The following MYDGF variants were observed in gnomAD, a reference collection of about 807,000 sequenced individuals.
MYDGF encodes myeloid derived growth factor.
Under a neutral mutation model 24.2 loss-of-function variants are expected in MYDGF, and 29 were observed. That is an observed-to-expected ratio of 1.20 (90% CI 0.89 to 1.63). The LOEUF (loss-of-function observed/expected upper bound fraction) is 1.63. MYDGF is among the 40% of genes most tolerant of loss of function. MYDGF has a pLI of 0.00. For missense variants in MYDGF, 245 were observed against 234.8 expected (o/e 1.04, Z -0.29); for synonymous variants, 105 against 102.5 (o/e 1.02, Z -0.15).
intron 3 of MYDGF, 144 bp downstream of exon 3, chr19:4,664,732 C>G (rs941943113): frequency 2.3e-6 from 2 of 870,134 alleles, no homozygotes; most frequent in Admixed American, 2.6e-5. Context: ...CTGCCACCCC[C>G]CACCTGCACG....
chr19:4,664,134 C>A (rs150090631), intron 3 of MYDGF, among the ~76,000 whole-genome samples: 9 of 152,130 alleles, frequency 5.9e-5, no homozygotes, highest in African/African-American at 1.9e-4. Flanking sequence ...CGCCCATCCA[C>A]AGAGACAGGA....
Position 4,657,951 on chromosome 19 carries a change from G to T in MYDGF, c.*54C>A, listed in dbSNP as rs534448384. ...TGTGCTGGCCCTTTCAGGGACACAG[G>T]CCCCTTCAGCTTCACCGGAGATGAG... On this transcript the variant is annotated 3_prime_UTR_variant, in exon 6 of 6. Transcript: ENST00000262947. 5 of 1,499,524 alleles carry T rather than the reference G, an allele frequency of 3.3e-6. No individual in the cohort carries two copies. In the East Asian group the frequency reaches 9.4e-5, roughly 28 times the overall value. 92.9% of individuals were successfully genotyped at this position (1,499,524 alleles called of 1,614,324 possible).
intron 1 of MYDGF, among the ~76,000 whole-genome samples, chr19:4,669,323 G>C (rs1027050807): frequency 6.6e-6 from 1 of 152,080 alleles, no homozygotes; most frequent in African/African-American, 2.4e-5. Flanking sequence ...AAAATACAAA[G>C]ATTAGTAGTC....
chr19:4,669,016 C>T (rs1366875113), intron 1 of MYDGF, among the ~76,000 whole-genome samples: 5 of 151,978 alleles, frequency 3.3e-5, no homozygotes, highest in African/African-American at 4.8e-5. Context: ...GCTAATTTTT[C>T]GTATTTTTGT....
Position 4,659,953 on chromosome 19 carries a change from T to G in MYDGF, c.420A>C (p.Glu140Asp). ...RESDVPLKTEEFEVTKTAVAH... is the reference protein window; with the variant it reads ...RESDVPLKTEDFEVTKTAVAH... ...TACCTGCTGTTTTGGTCACTTCAAA[T>G]TCCTCAGTTTTCAGAGGGACATCAC... Residue 140 changes from glutamate to aspartate, a missense_variant, in exon 5 of 6, where the codon GAA becomes GAC. Physicochemically the swap from Glu to Asp is conservative, Grantham distance 45 (BLOSUM62 2). Transcript: ENST00000262947. 6.2e-7 allele frequency: 1 copy of G among 1,614,064 alleles called. No homozygotes were observed. The highest frequency in any genetic ancestry group is 8.5e-7 in the Non-Finnish European group (1 of 1,179,986).
intron 3 of MYDGF, among the ~76,000 whole-genome samples, chr19:4,661,949 A>G (rs1390954160): frequency 6.6e-6 from 1 of 152,128 alleles, no homozygotes; most frequent in Non-Finnish European, 1.5e-5. Flanking sequence ...GGGTCCATGC[A>G]GGGCAGTGGC....
intron 2 of MYDGF, among the ~76,000 whole-genome samples, chr19:4,666,838 G>A (rs2088525198): frequency 6.6e-6 from 1 of 152,138 alleles, no homozygotes; most frequent in Admixed American, 6.5e-5. Context: ...GGCCGAGGCA[G>A]GCTGATCATT....
chr19:4,659,900 T>G (rs771263832), intron 5 of MYDGF, 31 bp downstream of exon 5: 1 of 1,607,252 alleles, frequency 6.2e-7, no homozygotes, highest in Admixed American at 1.7e-5. Context: ...GGGGGTGGCG[T>G]CACCTCTACC....
rs2088554958 is a variant in MYDGF, at chr19:4,670,217, A to C, written c.118T>G (p.Phe40Val). ...EAVSEPTTVAFDVRPGGVVHS... is the reference protein window; with the variant it reads ...EAVSEPTTVAVDVRPGGVVHS... ...ACGACGCCGCCGGGCCGCACGTCAAACGCCACCGTCGTGGGCTCGGACACC... is the reference window on the plus strand; with the variant it reads ...ACGACGCCGCCGGGCCGCACGTCAACCGCCACCGTCGTGGGCTCGGACACC... The change falls in exon 1 of 6, where the codon TTT becomes GTT. Residue 40 changes from phenylalanine to valine, a missense_variant. Transcript: ENST00000262947. The C allele has an allele frequency of 2.6e-6, 4 of 1,562,088 alleles. No individual in the cohort carries two copies. Among genetic ancestry groups the C allele is most frequent in the Middle Eastern group, 1.7e-4 (1 of 5,924 alleles).
intron 5 of MYDGF, among the ~76,000 whole-genome samples, chr19:4,659,452 G>A (rs1454671284): frequency 6.6e-6 from 1 of 151,714 alleles, no homozygotes; most frequent in Admixed American, 6.6e-5. Context: ...TGGAACTCCT[G>A]ACCTCAAGTG....
intron 2 of MYDGF, among the ~76,000 whole-genome samples, chr19:4,665,213 C>CTGTTTGTT (rs112029385): frequency 5.9e-5 from 9 of 151,536 alleles, no homozygotes; most frequent in Non-Finnish European, 1.2e-4. Flanking sequence ...AGGAACAACG[C>CTGTTTGTT]TGTTTGTTTG....
chr19:4,660,804 T>TG lies in MYDGF; in HGVS notation c.288-55dup, dbSNP rs1372139089. The TG allele has an allele frequency of 1.4e-5, 22 of 1,520,744 alleles. No individual in the cohort carries two copies. The Admixed American group carries it at 3.8e-4, about 26-fold the overall frequency. The allele number at this position is 1,520,744 out of a possible 1,614,324, so 94.2% of individuals were successfully genotyped here. A position where few individuals can be genotyped will look rare whatever the true frequency, so the allele number is the denominator to read the frequency against. On this transcript the variant is annotated intron_variant, in intron 3 of 5. Transcript: ENST00000262947. ...AGGCCAGGCCTGCTGGGTCTGGGTCTGTGTGCCCTGGAAGGAGCCCCGCCA... is the reference window on the plus strand; with the variant it reads ...AGGCCAGGCCTGCTGGGTCTGGGTCTGGTGTGCCCTGGAAGGAGCCCCGCCA...
intron 3 of MYDGF, among the ~76,000 whole-genome samples, chr19:4,662,187 C>A (rs72620523): frequency 7.9e-5 from 12 of 152,224 alleles, no homozygotes; most frequent in African/African-American, 2.7e-4. Flanking sequence ...AACACCCACA[C>A]GAGGCAGCAA....
In MYDGF at chr19:4,670,313, A is replaced by T. The variant is rs2088556583; in HGVS notation, c.22T>A (p.Trp8Arg). 6.8e-6 allele frequency: 10 copies of T among 1,473,796 alleles called. No homozygotes were observed. Among genetic ancestry groups the T allele is most frequent in the South Asian group, 1.3e-5 (1 of 75,860 alleles). The allele number at this position is 1,473,796 out of a possible 1,614,324, so 91.3% of individuals were successfully genotyped here. Residue 8 changes from tryptophan (W) to arginine (R), a missense_variant, in exon 1 of 6, where the codon TGG becomes AGG. Coordinates refer to ENST00000262947, the MANE Select transcript of MYDGF (RefSeq NM_019107.4). ...CACAAGCTCGCGCCGACGCCGTTCCACCCTCCGCTGGGCGCCGCCATGTTG... is the reference window on the plus strand; with the variant it reads ...CACAAGCTCGCGCCGACGCCGTTCCTCCCTCCGCTGGGCGCCGCCATGTTG... MAAPSGG[W>R]NGVGASLWAA...
chr19:4,666,958 G>A (rs1370639483), intron 2 of MYDGF, among the ~76,000 whole-genome samples: 1 of 152,022 alleles, frequency 6.6e-6, no homozygotes, highest in Admixed American at 6.6e-5. Flanking sequence ...AAGCTCTTGT[G>A]GTTGTGGCAG....
At chr19:4,664,591 G>T (rs538049437) in intron 3 of MYDGF, among the ~76,000 whole-genome samples, 2 of 151,866 alleles carry the variant, frequency 1.3e-5, no homozygotes, top group African/African-American at 4.8e-5. Flanking sequence ...CCTGGTCCAC[G>T]CTCCGCACCC....
At chr19:4,662,344 A>G (rs1357990646) in intron 3 of MYDGF, among the ~76,000 whole-genome samples, 1 of 152,140 alleles carries the variant, frequency 6.6e-6, no homozygotes, top group Non-Finnish European at 1.5e-5. Context: ...CTCAAGAAAT[A>G]CCCACTGTTT....
chr19:4,663,109 C>T (rs1367527079), intron 3 of MYDGF, among the ~76,000 whole-genome samples: 3 of 150,992 alleles, frequency 2.0e-5, no homozygotes, highest in Non-Finnish European at 4.4e-5. Context: ...ATCTACATTC[C>T]CCACCCACCT....
intron 4 of MYDGF, 44 bp downstream of exon 4, chr19:4,660,625 C>G (rs2088462086): frequency 6.4e-7 from 1 of 1,560,594 alleles, no homozygotes; most frequent in Admixed American, 1.7e-5. Context: ...TGCCCCAGTG[C>G]ACAGAAGCCA....
Sources: allele counts gnomAD v4.1 joint callset (sites outside exome capture counted in the v4.1 genomes callset), GRCh38; gene constraint gnomAD v4.1.1; transcripts MANE v1.5; gene names NCBI Gene and HGNC (gene_info 2026-07-23, HGNC 2026-07-21).